The following LRP1B variants were observed in gnomAD, a reference collection of about 807,000 sequenced individuals.
LRP1B encodes LDL receptor related protein 1B.
LRP1B carries 217 observed loss-of-function variants against 556.6 expected under a neutral mutation model. The ratio of observed to expected loss-of-function variants is 0.39; its 90% CI spans 0.35 to 0.44. The LOEUF is 0.44. Among genes scored for constraint, LRP1B ranks in the 20% least tolerant of loss-of-function variants. The pLI is 1.00. For missense variants in LRP1B, 5,053 were observed against 5,620.8 expected, an observed-to-expected ratio of 0.90 and a Z score of 3.23; for synonymous variants, 2,047 against 1,865.8, an observed-to-expected ratio of 1.10 and a Z score of -2.50.
intron 32 of LRP1B, among the ~76,000 whole-genome samples, chr2:140,780,981 A>T (rs745500526): frequency 2.6e-5 from 4 of 152,170 alleles, no homozygotes; most frequent in African/African-American, 9.6e-5. Flanking sequence ...CTCCCTAGAC[A>T]GTAGAGATAT....
chr2:141,839,926 C>A (rs538022259), intron 1 of LRP1B, among the ~76,000 whole-genome samples: 3 of 152,102 alleles, frequency 2.0e-5, no homozygotes, highest in Non-Finnish European at 4.4e-5. Context: ...CAATAATCCA[C>A]AAACATGTGT....
At chr2:141,188,654 G>T in intron 6 of LRP1B, 71 bp from the exon 7 acceptor site, 1 of 1,373,226 alleles carries the variant, frequency 7.3e-7, no homozygotes, top group South Asian at 1.2e-5. Context: ...AATAACATAA[G>T]TGTTTCCAAA....
chr2:141,394,041 G>A (rs1437313035), intron 3 of LRP1B, among the ~76,000 whole-genome samples: 1 of 152,046 alleles, frequency 6.6e-6, no homozygotes, highest in Non-Finnish European at 1.5e-5. Flanking sequence ...CATGCCTTAG[G>A]TTGGGTATAC....
At chr2:140,309,011 A>C (rs1684183308) in intron 83 of LRP1B, among the ~76,000 whole-genome samples, 1 of 151,758 alleles carries the variant, frequency 6.6e-6, no homozygotes. Context: ...ATCTGTCTTG[A>C]CTTCAGACTT....
chr2:141,752,852 G>A lies in LRP1B; in HGVS notation c.205+57427C>T, dbSNP rs1694165400. ...CGACTTGCTTGGGAGGCTGAGATGG[G>A]AGGATCACTTGAGCCCGGGAGGTTG... On this transcript the variant is annotated intron_variant, in intron 2 of 90. Transcript: ENST00000389484. Among the ~76,000 whole-genome samples the A allele has an allele frequency of 2.0e-5, 3 of 148,150 alleles. No homozygotes were observed. In the South Asian group the frequency reaches 6.5e-4, roughly 32 times the overall value.
chr2:140,676,927 T>C (rs571943052), intron 41 of LRP1B, among the ~76,000 whole-genome samples: 69 of 152,308 alleles, frequency 4.5e-4, no homozygotes, highest in African/African-American at 1.5e-3. Context: ...AACTCTCTAG[T>C]TTTTCAAAAC....
At chr2:141,738,312 A>C (rs1693567061) in intron 2 of LRP1B, among the ~76,000 whole-genome samples, 1 of 152,162 alleles carries the variant, frequency 6.6e-6, no homozygotes. Context: ...AACTTTCACA[A>C]AAATCTAAAT....
chr2:141,856,850 T>C (rs1179863172), intron 1 of LRP1B, among the ~76,000 whole-genome samples: 1 of 152,086 alleles, frequency 6.6e-6, no homozygotes, highest in Non-Finnish European at 1.5e-5. Context: ...TGGCATTTTA[T>C]TCAAGTTTAA....
At chr2:141,200,906 A>T (rs1250318404) in intron 6 of LRP1B, among the ~76,000 whole-genome samples, 1 of 152,178 alleles carries the variant, frequency 6.6e-6, no homozygotes. Context: ...TGCTCAAAAA[A>T]TTCCTGCCTA....
intron 1 of LRP1B, among the ~76,000 whole-genome samples, chr2:142,017,229 T>C (rs994116881): frequency 6.6e-6 from 1 of 152,138 alleles, no homozygotes; most frequent in African/African-American, 2.4e-5. Context: ...ATTGATGAAA[T>C]TGATGCCATA....
intron 1 of LRP1B, among the ~76,000 whole-genome samples, chr2:142,079,385 C>A (rs1388118616): frequency 1.0e-5 from 1 of 98,864 alleles, no homozygotes; most frequent in Non-Finnish European, 2.4e-5. Flanking sequence ...TAATAAGGAA[C>A]AATCTCTTTA....
intron 41 of LRP1B, among the ~76,000 whole-genome samples, chr2:140,634,721 C>T (rs1256496446): frequency 6.6e-6 from 1 of 151,986 alleles, no homozygotes; most frequent in African/African-American, 2.4e-5. Flanking sequence ...GAAAAAAAGA[C>T]AATGGACAAC....
At chr2:141,181,491 T>A (rs1028540042) in intron 7 of LRP1B, among the ~76,000 whole-genome samples, 3 of 151,356 alleles carry the variant, frequency 2.0e-5, no homozygotes, top group African/African-American at 7.3e-5. Context: ...AGAAACAGAG[T>A]TGTGCACTCA....
intron 3 of LRP1B, among the ~76,000 whole-genome samples, chr2:141,463,613 A>AT (rs1262987347): frequency 3.0e-5 from 3 of 98,992 alleles, no homozygotes; most frequent in African/African-American, 1.4e-4. Context: ...TATTATATAT[A>AT]ATTATGTATT....
intron 3 of LRP1B, among the ~76,000 whole-genome samples, chr2:141,463,580 A>ATTATATATATAATATATATTATATAAT (rs1178401574): frequency 2.1e-4 from 12 of 56,434 alleles, no homozygotes; most frequent in African/African-American, 3.9e-4. Context: ...TATTATATAT[A>ATTATATATATAATATATATTATATAAT]ATTATATATA....
At chr2:140,692,671 G>T (rs1402445056) in intron 41 of LRP1B, among the ~76,000 whole-genome samples, 1 of 152,128 alleles carries the variant, frequency 6.6e-6, no homozygotes, top group East Asian at 1.9e-4. Context: ...TCTCTGTAAT[G>T]GTATGTTATA....
Position 140,448,769 on chromosome 2 carries a change from A to C in LRP1B, c.10057+1799T>G, listed in dbSNP as rs555573761. ...AATAGATTTTAAGTATTCTCATCAC[A>C]AAAAAGCTAAGTATGTGATGTAATG... is the stretch of plus-strand genomic sequence containing the variant. On this transcript the variant is annotated intron_variant, in intron 63 of 90. Transcript: ENST00000389484. Among the ~76,000 whole-genome samples, 13 of 152,210 alleles carry C rather than the reference A, an allele frequency of 8.5e-5. No homozygotes were observed. In the East Asian group the frequency reaches 2.3e-3, roughly 27 times the overall value.
intron 67 of LRP1B, among the ~76,000 whole-genome samples, chr2:140,379,251 A>G (rs566023042): frequency 1.6e-4 from 25 of 152,300 alleles, no homozygotes; most frequent in African/African-American, 5.5e-4. Context: ...GACATTAAGG[A>G]ATATCCATAT....
intron 2 of LRP1B, among the ~76,000 whole-genome samples, chr2:141,648,199 G>A (rs770280967): frequency 2.0e-5 from 3 of 152,166 alleles, no homozygotes; most frequent in Non-Finnish European, 4.4e-5. Context: ...GGCTGGACCT[G>A]CAATGAGGAT....
Sources: allele counts gnomAD v4.1 joint callset (sites outside exome capture counted in the v4.1 genomes callset), GRCh38; gene constraint gnomAD v4.1.1; transcripts MANE v1.5; gene names NCBI Gene and HGNC (gene_info 2026-07-23, HGNC 2026-07-21).